Variants in PKHD1 observed in about 807,000 individuals in gnomAD.
The protein encoded by PKHD1 is PKHD1 ciliary IPT domain containing fibrocystin/polyductin, also known as fibrocystin.
A neutral mutation model predicts 412.0 loss-of-function variants in PKHD1; 291 were observed. The ratio of observed to expected loss-of-function variants is 0.71; its 90% CI spans 0.64 to 0.78. The LOEUF (loss-of-function observed/expected upper bound fraction) is 0.78, where lower values mean the gene tolerates loss of function less well. Among genes scored for constraint, PKHD1 ranks in the 30% least tolerant of loss-of-function variants. The pLI is 0.00. For synonymous variants in PKHD1, 1,777 were observed against 1,821.5 expected, an observed-to-expected ratio of 0.98 and a Z score of 0.62; for missense variants, 4,825 against 4,950.7, an observed-to-expected ratio of 0.97 and a Z score of 0.76.
chr6:51,763,956 T>G (rs1788481062), intron 55 of PKHD1, among the ~76,000 whole-genome samples: 1 of 131,768 alleles, frequency 7.6e-6, no homozygotes, highest in South Asian at 2.9e-4. Flanking sequence ...TTCTTTTTTT[T>G]TTTTTTATTA....
At chr6:51,942,225 C>G (rs1474287027) in intron 36 of PKHD1, among the ~76,000 whole-genome samples, 2 of 151,402 alleles carry the variant, frequency 1.3e-5, no homozygotes, top group Non-Finnish European at 3.0e-5. Flanking sequence ...TCATCCCAAC[C>G]CTTTTCATTA....
chr6:52,017,471 G>C lies in PKHD1; in HGVS notation c.5539C>G (p.Leu1847Val), dbSNP rs748169499. 1 of 1,614,076 alleles carries C rather than the reference G, an allele frequency of 6.2e-7. No homozygotes were observed. Among genetic ancestry groups the C allele is most frequent in the Non-Finnish European group, 8.5e-7 (1 of 1,179,916 alleles). Residue 1847 changes from leucine to valine, a missense_variant, in exon 34 of 67, where the codon CTC (leucine) becomes GTC (valine). Leu to Val is a conservative substitution (Grantham distance 32, BLOSUM62 1). Transcript: ENST00000371117. ...LYICEESSQCLFVPDHWAESM... is the reference protein window; with the variant it reads ...LYICEESSQCVFVPDHWAESM... ...TCTGCCCAATGATCTGGCACAAAGA[G>C]GCATTGGGAACTTTCCTCGCAAATG...
intron 60 of PKHD1, among the ~76,000 whole-genome samples, chr6:51,723,197 C>A (rs1782144595): frequency 1.3e-5 from 2 of 152,112 alleles, no homozygotes; most frequent in Non-Finnish European, 2.9e-5. Context: ...TTAAAGGTGT[C>A]CTTTTGCTCT....
At chr6:51,652,452 G>A (rs1771127197) in intron 61 of PKHD1, among the ~76,000 whole-genome samples, 1 of 152,006 alleles carries the variant, frequency 6.6e-6, no homozygotes, top group Non-Finnish European at 1.5e-5. Context: ...GGAAATCAGA[G>A]ATACTCTCTC....
intron 61 of PKHD1, 150 bp from the exon 62 acceptor site, chr6:51,649,370 A>G (rs1426342021): frequency 1.8e-5 from 12 of 665,004 alleles, no homozygotes. Context: ...ACATGGCTTT[A>G]TAGCAAAGGT....
At chr6:51,721,334 TTAGTATTAG>T in intron 60 of PKHD1, 1 of 621,804 alleles carries the variant, frequency 1.6e-6, no homozygotes, top group Non-Finnish European at 2.0e-6. Flanking sequence ...TATTGGTATA[TTAGTATTAG>T]TATATTATTG....
intron 48 of PKHD1, among the ~76,000 whole-genome samples, chr6:51,865,395 A>C (rs1774891551): frequency 6.6e-6 from 1 of 152,190 alleles, no homozygotes. Context: ...CCAATAAAGT[A>C]GGAAGTGCCA....
At chr6:51,836,582 A>C (rs1020707606) in intron 50 of PKHD1, 113 bp from the exon 51 acceptor site, 2 of 758,024 alleles carry the variant, frequency 2.6e-6, no homozygotes, top group Non-Finnish European at 4.7e-6. Context: ...CTAAATTTTC[A>C]AAACAGAAAA....
intron 52 of PKHD1, among the ~76,000 whole-genome samples, chr6:51,812,674 T>C (rs1420598417): frequency 6.6e-6 from 1 of 152,228 alleles, no homozygotes; most frequent in African/African-American, 2.4e-5. Flanking sequence ...GAAATGGCTA[T>C]GCAAAGCTGT....
chr6:51,886,337 G>C (rs1306068124), intron 44 of PKHD1, among the ~76,000 whole-genome samples: 2 of 152,120 alleles, frequency 1.3e-5, no homozygotes, highest in Non-Finnish European at 2.9e-5. Context: ...GAACTGTTAT[G>C]ATCTAGAAAA....
intron 43 of PKHD1, among the ~76,000 whole-genome samples, chr6:51,888,299 C>T (rs1321515): frequency 0.012 from 1,803 of 152,194 alleles, 30 homozygotes; most frequent in African/African-American, 0.039. Context: ...CTCTCTTGGA[C>T]CATATGAGTT....
At chr6:51,677,010 G>A (rs1223459237) in intron 60 of PKHD1, among the ~76,000 whole-genome samples, 8 of 152,080 alleles carry the variant, frequency 5.3e-5, no homozygotes, top group Non-Finnish European at 7.4e-5. Context: ...TCTAGAATTA[G>A]AGCTACTTAA....
chr6:51,766,028 C>T (rs7749852), intron 55 of PKHD1, among the ~76,000 whole-genome samples: 150,373 of 152,202 alleles, frequency 0.99, 74,315 homozygotes, highest in East Asian at 1. Context: ...CAGAATCCTA[C>T]ATAACCCGCC....
intron 60 of PKHD1, among the ~76,000 whole-genome samples, chr6:51,672,578 T>A (rs776192837): frequency 1.1e-4 from 17 of 152,206 alleles, no homozygotes; most frequent in Non-Finnish European, 2.2e-4. Context: ...TATGAGTACA[T>A]GCTTTGGCTA....
At chr6:51,807,740 T>C (rs1235991837) in intron 52 of PKHD1, among the ~76,000 whole-genome samples, 1 of 152,046 alleles carries the variant, frequency 6.6e-6, no homozygotes, top group Admixed American at 6.6e-5. Flanking sequence ...GGAGTCTTTG[T>C]ATCCATCCAT....
intron 53 of PKHD1, among the ~76,000 whole-genome samples, chr6:51,788,632 T>C (rs1306592330): frequency 6.6e-6 from 1 of 152,144 alleles, no homozygotes; most frequent in African/African-American, 2.4e-5. Flanking sequence ...TCTTTATCTC[T>C]GGGTTCCTAT....
chr6:51,637,497 G>T (rs1768732739), intron 64 of PKHD1, among the ~76,000 whole-genome samples: 1 of 151,982 alleles, frequency 6.6e-6, no homozygotes, highest in African/African-American at 2.4e-5. Flanking sequence ...TCTCATTAAT[G>T]AAGAAACCAG....
At chr6:51,866,039 T>C (rs2397070) in intron 48 of PKHD1, among the ~76,000 whole-genome samples, 52,876 of 147,418 alleles carry the variant, frequency 0.36, 10,101 homozygotes, top group East Asian at 0.73. Context: ...CTAAAAAAAA[T>C]CCCTGGTGCT....
At chr6:51,988,130 A>T (rs1034679803) in intron 35 of PKHD1, among the ~76,000 whole-genome samples, 3 of 152,168 alleles carry the variant, frequency 2.0e-5, no homozygotes, top group African/African-American at 7.2e-5. Context: ...TTGTTGCATC[A>T]CCATTTATGG....
Sources: allele counts gnomAD v4.1 joint callset (sites outside exome capture counted in the v4.1 genomes callset), GRCh38; gene constraint gnomAD v4.1.1; transcripts MANE v1.5; gene names NCBI Gene and HGNC (gene_info 2026-07-23, HGNC 2026-07-21).